CFAP58: variants seen among roughly 807,000 people sequenced by gnomAD.
CFAP58 encodes cilia and flagella associated protein 58, also known as cilia- and flagella-associated protein 58.
CFAP58 carries 88 observed loss-of-function variants against 119.5 expected under a neutral mutation model. That is an observed-to-expected ratio of 0.74 (90% confidence interval 0.62 to 0.88). CFAP58 has a LOEUF of 0.88. CFAP58 is among the 40% of genes least tolerant of loss of function. The probability of loss-of-function intolerance (pLI) is 0.00; values close to 1 mark genes in which losing one functional copy is unlikely to be tolerated. For synonymous variants in CFAP58, 365 were observed against 366.3 expected (o/e 1.00, Z 0.04); for missense variants, 990 against 1,021.2 (o/e 0.97, Z 0.42).
At chr10:104,370,763 G>A (rs2014811628) in intron 6 of CFAP58, 132 bp from the exon 7 acceptor site, 2 of 736,762 alleles carry the variant, frequency 2.7e-6, no homozygotes. Context: ...GTGTGTGCTT[G>A]ATTTAATCTC....
At chr10:104,374,514 T>C (rs181408476) in intron 7 of CFAP58, among the ~76,000 whole-genome samples, 1 of 128,894 alleles carries the variant, frequency 7.8e-6, no homozygotes, top group East Asian at 2.2e-4. Flanking sequence ...ATGAGAGAAA[T>C]TGGCAAAGGG....
intron 15 of CFAP58, among the ~76,000 whole-genome samples, chr10:104,420,619 C>T (rs2012639933): frequency 6.6e-6 from 1 of 151,930 alleles, no homozygotes; most frequent in Non-Finnish European, 1.5e-5. Context: ...CAAATGTGCT[C>T]ATGTACTCCT....
intron 2 of CFAP58, among the ~76,000 whole-genome samples, chr10:104,359,311 T>C (rs1169003770): frequency 6.6e-6 from 1 of 152,230 alleles, no homozygotes; most frequent in African/African-American, 2.4e-5. Context: ...CTTGGTATCA[T>C]GCAATTAGAT....
chr10:104,348,556 G>A, the CFAP58 span, among the ~76,000 whole-genome samples: 26 of 152,282 alleles, frequency 1.7e-4, no homozygotes, highest in African/African-American at 5.8e-4. Context: ...CTTGAGTTTG[G>A]AGGCACTTCT....
chr10:104,338,769 A>C, the CFAP58 span, among the ~76,000 whole-genome samples: 37 of 152,270 alleles, frequency 2.4e-4, no homozygotes, highest in Admixed American at 2.2e-3. Context: ...AGTCGGGGAG[A>C]GTTTTCTGCG....
intron 7 of CFAP58, 93 bp downstream of exon 7, chr10:104,371,147 C>T: frequency 4.0e-6 from 5 of 1,234,968 alleles, no homozygotes; most frequent in Non-Finnish European, 4.5e-6. Flanking sequence ...CAAACACAAC[C>T]TATGCCAAAT....
rs200132388 is a variant in CFAP58, at chr10:104,358,566, G to A, written c.235G>A (p.Ala79Thr). The change falls in exon 2 of 18, where the codon GCC becomes ACC. Residue 79 changes from alanine to threonine, a missense_variant. Ala to Thr is a moderately conservative substitution (Grantham distance 58). Transcript: ENST00000369704. ...AEIVVNSAKV[A>T]TALKLSQDDQ... ...GATTGTAGTGAATTCTGCGAAGGTC[G>A]CCACTGCCCTTAAGCTCTCTCAGGA... 1.5e-5 allele frequency: 24 copies of A among 1,613,930 alleles called. No individual in the cohort carries two copies. Among genetic ancestry groups the A allele is most frequent in the Non-Finnish European group, 1.9e-5 (22 of 1,179,990 alleles).
intron 15 of CFAP58, among the ~76,000 whole-genome samples, chr10:104,430,529 G>A (rs2012828397): frequency 2.0e-5 from 3 of 152,184 alleles, no homozygotes. Flanking sequence ...ATTTTATTAA[G>A]TGCTTTATGG....
chr10:104,439,648 T>G (rs2013002139), intron 15 of CFAP58, among the ~76,000 whole-genome samples: 1 of 152,040 alleles, frequency 6.6e-6, no homozygotes, highest in African/African-American at 2.4e-5. Context: ...AGGGCTGCAA[T>G]GAGTTGTGAT....
intron 9 of CFAP58, among the ~76,000 whole-genome samples, chr10:104,380,957 C>A (rs1344590640): frequency 6.6e-6 from 1 of 152,140 alleles, no homozygotes; most frequent in Admixed American, 6.5e-5. Context: ...TGAGACTAGC[C>A]TGGACAGCAC....
At chr10:104,401,333 G>C (rs924175085) in intron 13 of CFAP58, among the ~76,000 whole-genome samples, 3 of 152,116 alleles carry the variant, frequency 2.0e-5, no homozygotes, top group Non-Finnish European at 4.4e-5. Context: ...ATTATATACA[G>C]GAAGAAAAGA....
rs562083538 is a variant in CFAP58 at position 104,438,437 on chromosome 10, G to A, written c.2257-9261G>A. On this transcript the variant is annotated intron_variant, in intron 15 of 17. Transcript: ENST00000369704. ...AGGCCAGACTGCGGACTGCAGTGGC[G>A]CAATCTCGGCTCACTGCCAGCTCCG... Among the ~76,000 whole-genome samples, 13 of 141,734 alleles carry A rather than the reference G, an allele frequency of 9.2e-5. No individual in the cohort carries two copies. The South Asian group carries it at 2.6e-3, about 29-fold the overall frequency. The allele number at this position is 141,734 out of a possible 152,430, so 93.0% of individuals were successfully genotyped here.
chr10:104,386,980 C>T (rs957631130), intron 9 of CFAP58, among the ~76,000 whole-genome samples: 4 of 152,192 alleles, frequency 2.6e-5, no homozygotes, highest in Non-Finnish European at 4.4e-5. Flanking sequence ...CATTTGCCTT[C>T]GTGTTCTTTC....
At chr10:104,360,171 T>C (rs2014647086) in intron 2 of CFAP58, among the ~76,000 whole-genome samples, 1 of 152,210 alleles carries the variant, frequency 6.6e-6, no homozygotes, top group African/African-American at 2.4e-5. Context: ...CTTATCTGTA[T>C]AAAGGACCCA....
chr10:104,430,012 T>C (rs2012818570), intron 15 of CFAP58, among the ~76,000 whole-genome samples: 2 of 152,128 alleles, frequency 1.3e-5, no homozygotes, highest in African/African-American at 2.4e-5. Context: ...ATAATCAGGA[T>C]AGCAGTGAGG....
At chr10:104,409,110 AAATT>A (rs2012416978) in intron 15 of CFAP58, among the ~76,000 whole-genome samples, 1 of 152,128 alleles carries the variant, frequency 6.6e-6, no homozygotes, top group African/African-American at 2.4e-5. Flanking sequence ...ATAAAAAAAA[AAATT>A]ATTTAGTTCC....
intron 1 of CFAP58, among the ~76,000 whole-genome samples, chr10:104,358,101 A>G (rs368292647): frequency 1.8e-4 from 27 of 149,786 alleles, no homozygotes; most frequent in Middle Eastern, 3.6e-3. Flanking sequence ...ATATATATGT[A>G]CATATATACA....
chr10:104,357,854 TATACACATA>T (rs1250629118), intron 1 of CFAP58, among the ~76,000 whole-genome samples: 7 of 43,698 alleles, frequency 1.6e-4, no homozygotes, highest in Non-Finnish European at 3.8e-4. Flanking sequence ...TGTACACATA[TATACACATA>T]TATACACATA....
chr10:104,404,062 A>G (rs1162619251), intron 14 of CFAP58, among the ~76,000 whole-genome samples: 1 of 152,216 alleles, frequency 6.6e-6, no homozygotes, highest in East Asian at 1.9e-4. Context: ...TTCTACCTAA[A>G]GAAAGCCCAG....
Sources: allele counts gnomAD v4.1 joint callset (sites outside exome capture counted in the v4.1 genomes callset), GRCh38; gene constraint gnomAD v4.1.1; transcripts MANE v1.5; gene names NCBI Gene and HGNC (gene_info 2026-07-23, HGNC 2026-07-21).